Variants in PIK3C2G observed in about 807,000 individuals in gnomAD.
The protein encoded by PIK3C2G is phosphatidylinositol-4-phosphate 3-kinase catalytic subunit type 2 gamma, also known as phosphatidylinositol 3-kinase C2 domain-containing subunit gamma.
A neutral mutation model predicts 181.1 loss-of-function variants in PIK3C2G; 168 were observed. The ratio of observed to expected loss-of-function variants is 0.93; its 90% CI spans 0.82 to 1.05. The LOEUF is 1.05. PIK3C2G is among the 50% of genes least tolerant of loss of function. The pLI, the probability that PIK3C2G is intolerant of heterozygous loss-of-function variation, is 0.00. For missense variants in PIK3C2G, 1,869 were observed against 1,732.8 expected (o/e 1.08, Z -1.40); for synonymous variants, 573 against 592.2 (o/e 0.97, Z 0.47).
intron 16 of PIK3C2G, among the ~76,000 whole-genome samples, chr12:18,405,501 C>A (rs1375431616): frequency 1.3e-5 from 2 of 151,548 alleles, no homozygotes; most frequent in East Asian, 3.9e-4. Context: ...TTCACAGCAA[C>A]CTCCGCCTCC....
At chr12:18,411,629 T>C (rs1035346566) in intron 16 of PIK3C2G, among the ~76,000 whole-genome samples, 4 of 152,206 alleles carry the variant, frequency 2.6e-5, no homozygotes, top group African/African-American at 7.2e-5. Context: ...AGACTCAAAA[T>C]CTGTTGGAGA....
chr12:18,701,410 G>A, the PIK3C2G span: 1 of 1,590,030 alleles, frequency 6.3e-7, no homozygotes, highest in South Asian at 1.1e-5. Context: ...GAAGGAAAAT[G>A]ATTTTTCTCC....
intron 18 of PIK3C2G, among the ~76,000 whole-genome samples, chr12:18,451,219 C>A (rs1183635833): frequency 6.6e-6 from 1 of 152,194 alleles, no homozygotes; most frequent in East Asian, 1.9e-4. Context: ...CATGGAATTT[C>A]ATTCCATTTG....
At chr12:18,665,364 A>T in the PIK3C2G span, among the ~76,000 whole-genome samples, 1 of 152,230 alleles carries the variant, frequency 6.6e-6, no homozygotes, top group East Asian at 1.9e-4. Flanking sequence ...ACCTCTAAAA[A>T]TGGCTAAAAT....
chr12:18,684,265 A>G, the PIK3C2G span: 1 of 1,608,126 alleles, frequency 6.2e-7, no homozygotes, highest in Admixed American at 1.7e-5. Flanking sequence ...GTTTCATTCC[A>G]TCTTGGACTA....
intron 1 of PIK3C2G, among the ~76,000 whole-genome samples, chr12:18,278,276 C>A (rs1949069453): frequency 6.6e-6 from 1 of 152,146 alleles, no homozygotes. Context: ...ATCCCTTGAC[C>A]ATTACAGCCT....
chr12:18,522,840 C>A (rs1943005489), intron 24 of PIK3C2G, among the ~76,000 whole-genome samples: 2 of 149,648 alleles, frequency 1.3e-5, no homozygotes, highest in South Asian at 4.2e-4. Flanking sequence ...GCCCTTTTCT[C>A]TCTCCTCTCC....
the PIK3C2G span, chr12:18,696,193 AG>A: frequency 6.3e-7 from 1 of 1,598,828 alleles, no homozygotes; most frequent in South Asian, 1.1e-5. Flanking sequence ...GATTAAAATT[AG>A]AAGAGTCTGC....
At chr12:18,428,641 C>G (rs1320134568) in intron 18 of PIK3C2G, among the ~76,000 whole-genome samples, 7 of 152,192 alleles carry the variant, frequency 4.6e-5, no homozygotes, top group Non-Finnish European at 1.0e-4. Context: ...TGAAAACCAT[C>G]TTGACTACTT....
At chr12:18,547,967 A>G (rs1944521475) in intron 26 of PIK3C2G, among the ~76,000 whole-genome samples, 1 of 152,042 alleles carries the variant, frequency 6.6e-6, no homozygotes, top group African/African-American at 2.4e-5. Flanking sequence ...CAGGAAGAAC[A>G]GAAGGGCAGC....
At chr12:18,333,694 T>C (rs2137557226) in intron 8 of PIK3C2G, among the ~76,000 whole-genome samples, 1 of 152,324 alleles carries the variant, frequency 6.6e-6, no homozygotes. Flanking sequence ...ATAATTCATA[T>C]TGGCACTAAC....
At chr12:18,724,151 A>G in the PIK3C2G span, among the ~76,000 whole-genome samples, 2 of 152,148 alleles carry the variant, frequency 1.3e-5, no homozygotes, top group Non-Finnish European at 2.9e-5. Context: ...AATACCAAAA[A>G]TAGAAGATTG....
chr12:18,264,634 G>A (rs1948400878), intron 1 of PIK3C2G, among the ~76,000 whole-genome samples: 1 of 151,576 alleles, frequency 6.6e-6, no homozygotes, highest in African/African-American at 2.4e-5. Flanking sequence ...TTGGTATTGT[G>A]CATCTTTGAA....
chr12:18,465,916 G>T (rs1047402438), intron 18 of PIK3C2G, among the ~76,000 whole-genome samples: 1 of 150,844 alleles, frequency 6.6e-6, no homozygotes, highest in East Asian at 1.9e-4. Context: ...AGATCTACTC[G>T]CTCTATTTTA....
chr12:18,398,586 G>T (rs1164532341), intron 15 of PIK3C2G, among the ~76,000 whole-genome samples: 39 of 152,166 alleles, frequency 2.6e-4, no homozygotes. Context: ...TCGTGTGAGG[G>T]AAGCTGTCCT....
At chr12:18,362,946 C>CT (rs1201709629) in intron 12 of PIK3C2G, 60 bp downstream of exon 12, 9 of 1,320,632 alleles carry the variant, frequency 6.8e-6, no homozygotes, top group South Asian at 1.6e-5. Context: ...CTTTTTCCCC[C>CT]TTTTTTTAAA....
intron 13 of PIK3C2G, among the ~76,000 whole-genome samples, chr12:18,375,756 T>C (rs1942391597): frequency 6.6e-6 from 1 of 152,186 alleles, no homozygotes; most frequent in Non-Finnish European, 1.5e-5. Context: ...GAAAGAATGG[T>C]TTCTGGGGCC....
intron 19 of PIK3C2G, among the ~76,000 whole-genome samples, chr12:18,489,922 T>C (rs192597036): frequency 1.1e-4 from 16 of 152,244 alleles, no homozygotes; most frequent in Admixed American, 7.2e-4. Flanking sequence ...GGTAAATATA[T>C]TTATCTTGCC....
chr12:18,325,482 G>A (rs1951297526), intron 8 of PIK3C2G, among the ~76,000 whole-genome samples: 1 of 152,116 alleles, frequency 6.6e-6, no homozygotes, highest in African/African-American at 2.4e-5. Flanking sequence ...TCCGAGGTGT[G>A]CAGATCACGA....
Sources: allele counts gnomAD v4.1 joint callset (sites outside exome capture counted in the v4.1 genomes callset), GRCh38; gene constraint gnomAD v4.1.1; transcripts MANE v1.5; gene names NCBI Gene and HGNC (gene_info 2026-07-23, HGNC 2026-07-21).